The following KLHDC4 variants were observed in gnomAD, a reference collection of about 807,000 sequenced individuals.
The protein encoded by KLHDC4 is kelch domain containing 4, also known as kelch domain-containing protein 4.
A neutral mutation model predicts 62.4 loss-of-function variants in KLHDC4; 90 were observed. That is an observed-to-expected ratio of 1.44 (90% CI 1.22 to 1.72). The LOEUF is 1.72. KLHDC4 is among the 40% of genes most tolerant of loss of function. The pLI, the probability that KLHDC4 is intolerant of heterozygous loss-of-function variation, is 0.00. For missense variants in KLHDC4, 1,025 were observed against 699.7 expected, an observed-to-expected ratio of 1.47 and a Z score of -5.25; for synonymous variants, 386 against 284.4, an observed-to-expected ratio of 1.36 and a Z score of -3.59.
chr16:87,756,388 A>C lies in KLHDC4; in HGVS notation c.270+11T>G. On this transcript the variant is annotated intron_variant, in intron 3 of 11. Coordinates refer to ENST00000270583, the MANE Select transcript of KLHDC4 (RefSeq NM_017566.4). ...CAACATGGGAAGAAAAGAAAAAAAT[A>C]TATACTTTACTTTTTGGCCGTTGAA... 1 of 1,593,678 alleles carries C rather than the reference A, an allele frequency of 6.3e-7. No homozygotes were observed. The highest frequency in any genetic ancestry group is 8.6e-7 in the Non-Finnish European group (1 of 1,161,658).
At chr16:87,758,923 C>G (rs1439658527) in intron 2 of KLHDC4, among the ~76,000 whole-genome samples, 1 of 152,218 alleles carries the variant, frequency 6.6e-6, no homozygotes, top group Non-Finnish European at 1.5e-5. Flanking sequence ...TGCCTGTAAT[C>G]CCAGCACTTT....
chr16:87,719,461 T>C (rs1462417422), intron 7 of KLHDC4, among the ~76,000 whole-genome samples: 1 of 152,192 alleles, frequency 6.6e-6, no homozygotes. Flanking sequence ...AACAGATGCT[T>C]GAAGGCAGCA....
intron 5 of KLHDC4, among the ~76,000 whole-genome samples, chr16:87,734,162 T>C (rs1409950695): frequency 1.3e-5 from 2 of 152,086 alleles, no homozygotes; most frequent in Non-Finnish European, 2.9e-5. Context: ...CTCACCAACA[T>C]GGTGAAACCC....
intron 8 of KLHDC4, among the ~76,000 whole-genome samples, chr16:87,712,463 G>C (rs1288103251): frequency 6.6e-6 from 1 of 152,264 alleles, no homozygotes; most frequent in Admixed American, 6.5e-5. Flanking sequence ...TCCGGTGACA[G>C]AAACCCACAC....
intron 1 of KLHDC4, among the ~76,000 whole-genome samples, chr16:87,764,831 A>C (rs1244371187): frequency 2.2e-5 from 1 of 45,504 alleles, no homozygotes; most frequent in Admixed American, 2.0e-4. Context: ...AGACTCTGTC[A>C]AAAAAAAAAA....
chr16:87,757,215 A>G (rs2045095266), intron 2 of KLHDC4: 1 of 151,804 alleles, frequency 6.6e-6, no homozygotes, highest in African/African-American at 2.4e-5. Flanking sequence ...CCTGCCTGTA[A>G]TCCCAGCACT....
At chr16:87,710,010 T>G in intron 9 of KLHDC4, 1 of 269,474 alleles carries the variant, frequency 3.7e-6, no homozygotes, top group Non-Finnish European at 7.0e-6. Flanking sequence ...ACGCTCACCC[T>G]GGGAAAACCC....
At chr16:87,762,654 C>G (rs1310990343) in intron 1 of KLHDC4, among the ~76,000 whole-genome samples, 1 of 152,218 alleles carries the variant, frequency 6.6e-6, no homozygotes, top group African/African-American at 2.4e-5. Context: ...TCAGCAAATA[C>G]CAGCTGCAGT....
At chr16:87,737,106 C>A (rs374906457) in intron 5 of KLHDC4, among the ~76,000 whole-genome samples, 248 of 64,778 alleles carry the variant, frequency 3.8e-3, no homozygotes, top group Admixed American at 6.0e-3. Flanking sequence ...GCCTGGGCGA[C>A]AAAAAAAAAA....
At chr16:87,761,287 C>A (rs994734462) in intron 2 of KLHDC4, among the ~76,000 whole-genome samples, 1 of 152,146 alleles carries the variant, frequency 6.6e-6, no homozygotes, top group East Asian at 1.9e-4. Context: ...GCACCAGAGC[C>A]ATCACATGCG....
intron 1 of KLHDC4, among the ~76,000 whole-genome samples, chr16:87,764,805 C>G (rs1440012802): frequency 1.4e-5 from 2 of 146,238 alleles, no homozygotes; most frequent in Non-Finnish European, 3.0e-5. Context: ...TGCAGCCCAG[C>G]CTAGGTGACA....
chr16:87,755,106 G>T, intron 4 of KLHDC4, 88 bp downstream of exon 4: 1 of 867,996 alleles, frequency 1.2e-6, no homozygotes, highest in Non-Finnish European at 1.9e-6. Context: ...CTCCGCACCA[G>T]CTGCCTGTCA....
At chr16:87,705,109 T>C (rs112048375), downstream of KLHDC4, among the ~76,000 whole-genome samples, 2,353 of 127,594 alleles carry the variant, frequency 0.018, 42 homozygotes, top group African/African-American at 0.069. Flanking sequence ...AAAGGCTTCC[T>C]AACAGCCAGC....
intron 1 of KLHDC4, among the ~76,000 whole-genome samples, chr16:87,764,210 C>G (rs1247050611): frequency 6.6e-6 from 1 of 152,164 alleles, no homozygotes; most frequent in Non-Finnish European, 1.5e-5. Context: ...TAATCAGACG[C>G]CCACTTATTT....
chr16:87,757,998 T>G (rs1220144583), intron 2 of KLHDC4, among the ~76,000 whole-genome samples: 1 of 152,008 alleles, frequency 6.6e-6, no homozygotes, highest in African/African-American at 2.4e-5. Flanking sequence ...CCCTTCAGAG[T>G]CCTCTAAGAC....
intron 5 of KLHDC4, among the ~76,000 whole-genome samples, chr16:87,738,710 TCCAC>T (rs772743727): frequency 1.7e-4 from 17 of 102,648 alleles, no homozygotes; most frequent in East Asian, 3.9e-4. Context: ...CAGCACCTCA[TCCAC>T]CCACACACCA....
In KLHDC4 at chr16:87,764,907, G is replaced by C. The variant is rs565937925; in HGVS notation, c.99+885C>G. Among the ~76,000 whole-genome samples, 14 of 152,076 alleles carry C rather than the reference G, an allele frequency of 9.2e-5. No homozygotes were observed. The South Asian group carries it at 2.7e-3, about 29-fold the overall frequency. On this transcript the variant is annotated intron_variant, in intron 1 of 11. Transcript: ENST00000270583. ...TCCAACTCCATTATTTAAGAGATGA[G>C]GACATGGAGAGATCAATGACTTAGG...
intron 1 of KLHDC4, among the ~76,000 whole-genome samples, chr16:87,764,075 C>T (rs536164241): frequency 6.6e-5 from 10 of 152,328 alleles, no homozygotes; most frequent in African/African-American, 2.4e-4. Context: ...GAATTCCAAA[C>T]TGTCCCCAAT....
At chr16:87,760,580 C>A (rs1322972895) in intron 2 of KLHDC4, among the ~76,000 whole-genome samples, 2 of 137,880 alleles carry the variant, frequency 1.5e-5, no homozygotes, top group African/African-American at 5.5e-5. Flanking sequence ...GTACTCCAGC[C>A]TGGGTGACAG....
Sources: allele counts gnomAD v4.1 joint callset (sites outside exome capture counted in the v4.1 genomes callset), GRCh38; gene constraint gnomAD v4.1.1; transcripts MANE v1.5; gene names NCBI Gene and HGNC (gene_info 2026-07-23, HGNC 2026-07-21).